Variants in CNTNAP2 observed in about 807,000 individuals in gnomAD.
CNTNAP2 encodes contactin associated protein 2.
A neutral mutation model predicts 155.2 loss-of-function variants in CNTNAP2; 98 were observed. The observed-to-expected ratio is 0.63, with a 90% CI of 0.54 to 0.75. CNTNAP2 has a LOEUF of 0.75. CNTNAP2 is among the 30% of genes least tolerant of loss of function. The pLI is 0.00. For synonymous variants in CNTNAP2, 651 were observed against 631.2 expected, an observed-to-expected ratio of 1.03 and a Z score of -0.47; for missense variants, 1,727 against 1,688.1, an observed-to-expected ratio of 1.02 and a Z score of -0.40.
intron 1 of CNTNAP2, among the ~76,000 whole-genome samples, chr7:146,549,943 T>C (rs917934092): frequency 1.3e-5 from 2 of 152,048 alleles, no homozygotes; most frequent in African/African-American, 4.8e-5. Flanking sequence ...TGTTGTGCTA[T>C]TGATTTAGTC....
At chr7:146,826,321 C>G (rs771993796) in intron 2 of CNTNAP2, among the ~76,000 whole-genome samples, 15 of 152,068 alleles carry the variant, frequency 9.9e-5, no homozygotes, top group African/African-American at 3.6e-4. Flanking sequence ...TTTAAATTCA[C>G]TTATTGTTAC....
chr7:147,096,085 A>G (rs965313375), intron 4 of CNTNAP2, among the ~76,000 whole-genome samples: 1 of 152,248 alleles, frequency 6.6e-6, no homozygotes, highest in African/African-American at 2.4e-5. Flanking sequence ...TTTGAAAAAT[A>G]AAAACACAGG....
chr7:148,306,337 T>C (rs1326118230), intron 21 of CNTNAP2, among the ~76,000 whole-genome samples: 1 of 152,216 alleles, frequency 6.6e-6, no homozygotes, highest in Non-Finnish European at 1.5e-5. Flanking sequence ...TGGGGCCTTT[T>C]AATCTGGAAA....
chr7:147,761,535 A>C (rs1038986349), intron 13 of CNTNAP2, among the ~76,000 whole-genome samples: 1 of 152,208 alleles, frequency 6.6e-6, no homozygotes, highest in African/African-American at 2.4e-5. Context: ...AGTACCTGCC[A>C]TTAATTCATC....
At chr7:146,925,604 G>A (rs370489499) in intron 3 of CNTNAP2, among the ~76,000 whole-genome samples, 66 of 152,190 alleles carry the variant, frequency 4.3e-4, no homozygotes, top group Middle Eastern at 3.4e-3. Flanking sequence ...AGTTAAAGAA[G>A]GCGGGGATGC....
chr7:146,496,956 G>A (rs1351393174), intron 1 of CNTNAP2, among the ~76,000 whole-genome samples: 1 of 152,178 alleles, frequency 6.6e-6, no homozygotes, highest in African/African-American at 2.4e-5. Flanking sequence ...GGGAAATTCA[G>A]AAACTTCCCA....
At chr7:148,385,926 A>G (rs913345614) in intron 22 of CNTNAP2, among the ~76,000 whole-genome samples, 1 of 151,946 alleles carries the variant, frequency 6.6e-6, no homozygotes, top group Non-Finnish European at 1.5e-5. Flanking sequence ...ACAGGATTTC[A>G]CCATGTTGGC....
chr7:146,998,109 T>C (rs1024719381), intron 3 of CNTNAP2, among the ~76,000 whole-genome samples: 8 of 152,000 alleles, frequency 5.3e-5, no homozygotes, highest in African/African-American at 1.9e-4. Flanking sequence ...TCTTTAGTAG[T>C]TCTTTGAGAT....
chr7:148,367,258 A>G (rs2116633219), intron 21 of CNTNAP2, among the ~76,000 whole-genome samples: 1 of 152,212 alleles, frequency 6.6e-6, no homozygotes, highest in South Asian at 2.1e-4. Context: ...AAGAAAAACC[A>G]TCACATATGT....
chr7:148,209,268 C>G (rs1197874403), intron 18 of CNTNAP2, among the ~76,000 whole-genome samples: 1 of 151,496 alleles, frequency 6.6e-6, no homozygotes, highest in Non-Finnish European at 1.5e-5. Context: ...AGGCTTGTGC[C>G]ACCACACCGG....
At chr7:146,905,104 A>T (rs972548179) in intron 3 of CNTNAP2, among the ~76,000 whole-genome samples, 7 of 152,230 alleles carry the variant, frequency 4.6e-5, no homozygotes, top group Admixed American at 3.3e-4. Flanking sequence ...TAGGCCTAAC[A>T]GGTGCCAGAT....
chr7:146,435,179 T>C (rs1162261440), intron 1 of CNTNAP2, among the ~76,000 whole-genome samples: 1 of 152,190 alleles, frequency 6.6e-6, no homozygotes, highest in Non-Finnish European at 1.5e-5. Flanking sequence ...GATGAGTATA[T>C]AAAATCTGAA....
intron 3 of CNTNAP2, among the ~76,000 whole-genome samples, chr7:146,912,891 C>G (rs1480607989): frequency 6.6e-6 from 1 of 151,878 alleles, no homozygotes; most frequent in Non-Finnish European, 1.5e-5. Flanking sequence ...TTATTTTGAC[C>G]CACTGCAGTA....
chr7:146,910,369 A>G (rs1223786579), intron 3 of CNTNAP2, among the ~76,000 whole-genome samples: 2 of 149,814 alleles, frequency 1.3e-5, no homozygotes, highest in Non-Finnish European at 2.9e-5. Context: ...CCAAAAGAAC[A>G]AAGCTGGAGG....
intron 1 of CNTNAP2, among the ~76,000 whole-genome samples, chr7:146,734,733 G>T (rs1315756535): frequency 6.6e-6 from 1 of 152,170 alleles, no homozygotes; most frequent in Non-Finnish European, 1.5e-5. Context: ...TTGAACAAAT[G>T]AATTTTGAAC....
rs1416350628 is a variant in CNTNAP2 at position 148,267,091 on chromosome 7, A to G, written c.3440A>G (p.Asn1147Ser). The G allele has an allele frequency of 6.2e-7, 1 of 1,614,158 alleles. No individual in the cohort carries two copies. Among genetic ancestry groups the G allele is most frequent in the Non-Finnish European group, 8.5e-7 (1 of 1,180,034 alleles). The change falls in exon 21 of 24, where the codon AAT (asparagine) becomes AGT (serine). Residue 1147 changes from asparagine to serine, a missense_variant. Coordinates refer to ENST00000361727, the MANE Select transcript of CNTNAP2 (RefSeq NM_014141.6). Reference sequence around the variant, plus strand: ...CCAAGTTCATCCGACACCCTCTTCAATTCTCCCAAGTCGCTCTTTCTGGGA... The same window carrying G: ...CCAAGTTCATCCGACACCCTCTTCAGTTCTCCCAAGTCGCTCTTTCTGGGA... ...HLPSSSDTLFNSPKSLFLGKV... is the reference protein window; with the variant it reads ...HLPSSSDTLFSSPKSLFLGKV...
intron 1 of CNTNAP2, among the ~76,000 whole-genome samples, chr7:146,398,110 G>C (rs1235940395): frequency 6.7e-6 from 1 of 150,150 alleles, no homozygotes; most frequent in East Asian, 2.0e-4. Context: ...GGGCTCAAGT[G>C]ATCCGCCTGC....
chr7:146,966,419 G>C (rs1216096275), intron 3 of CNTNAP2, among the ~76,000 whole-genome samples: 1 of 152,182 alleles, frequency 6.6e-6, no homozygotes, highest in Non-Finnish European at 1.5e-5. Flanking sequence ...CTGTGCCCAA[G>C]AGCTCAGGCT....
At chr7:147,798,037 C>T (rs138114579) in intron 13 of CNTNAP2, among the ~76,000 whole-genome samples, 35 of 151,850 alleles carry the variant, frequency 2.3e-4, no homozygotes, top group African/African-American at 7.7e-4. Flanking sequence ...CCACTTAGAC[C>T]GAAGAAAATT....
Sources: allele counts gnomAD v4.1 joint callset (sites outside exome capture counted in the v4.1 genomes callset), GRCh38; gene constraint gnomAD v4.1.1; transcripts MANE v1.5; gene names NCBI Gene and HGNC (gene_info 2026-07-23, HGNC 2026-07-21).